The following ABCB5 variants were observed in gnomAD, a reference collection of about 807,000 sequenced individuals.
The protein encoded by ABCB5 is ATP-binding cassette sub-family B member 5.
A neutral mutation model predicts 144.2 loss-of-function variants in ABCB5; 155 were observed. The observed-to-expected ratio is 1.08, with a 90% confidence interval of 0.94 to 1.23. The LOEUF is 1.23. Ranked by LOEUF, ABCB5 falls within the 50% of genes most tolerant of loss-of-function variation. ABCB5 has a pLI of 0.00. For synonymous variants in ABCB5, 610 were observed against 528.6 expected, an observed-to-expected ratio of 1.15 and a Z score of -2.11; for missense variants, 1,830 against 1,520.8, an observed-to-expected ratio of 1.20 and a Z score of -3.38.
intron 20 of ABCB5, among the ~76,000 whole-genome samples, chr7:20,710,148 GT>G (rs1240249680): frequency 6.7e-6 from 1 of 148,464 alleles, no homozygotes; most frequent in Non-Finnish European, 1.5e-5. Context: ...ACCGAGGCGG[GT>G]GGATCACCTG....
intron 19 of ABCB5, among the ~76,000 whole-genome samples, chr7:20,700,879 G>A (rs1391330564): frequency 6.6e-6 from 1 of 152,154 alleles, no homozygotes; most frequent in Non-Finnish European, 1.5e-5. Flanking sequence ...TTCCTGCCAA[G>A]GTGATTTCTT....
chr7:20,618,764 CTT>C (rs59970398), intron 1 of ABCB5, among the ~76,000 whole-genome samples: 27 of 51,566 alleles, frequency 5.2e-4, no homozygotes, highest in African/African-American at 1.9e-3. Flanking sequence ...GCTGCATTTT[CTT>C]TTTTTTTTTT....
chr7:20,668,526 C>T (rs1785306401), intron 14 of ABCB5, among the ~76,000 whole-genome samples: 1 of 151,952 alleles, frequency 6.6e-6, no homozygotes, highest in African/African-American at 2.4e-5. Context: ...CTCCGTCCGG[C>T]AGCCACCCCG....
At position 20,648,014 on chromosome 7, in the gene ABCB5, C is replaced by T; in HGVS notation, c.1142C>T (p.Ser381Phe). The change falls in exon 11 of 28, where the codon TCC becomes TTC. Residue 381 changes from serine to phenylalanine, a missense_variant. Coordinates refer to ENST00000404938, the MANE Select transcript of ABCB5 (RefSeq NM_001163941.2). ...TCCACAGCTGGATATAAACCTGAAT[C>T]CATAGAAGGAACTGTGGAATTTAAA... ...NFSTAGYKPE[S>F]IEGTVEFKNV... The T allele has an allele frequency of 6.2e-7, 1 of 1,612,018 alleles. No homozygotes were observed. The highest frequency in any genetic ancestry group is 8.5e-7 in the Non-Finnish European group (1 of 1,178,470).
Position 20,615,696 on chromosome 7 carries a change from G to C in ABCB5, c.-163G>C, listed in dbSNP as rs1783668736. 2.0e-5 allele frequency: 3 copies of C among 151,970 alleles called. No homozygotes were observed. Among genetic ancestry groups the C allele is most frequent in the Admixed American group, 6.6e-5 (1 of 15,236 alleles). 9.4% of individuals were successfully genotyped at this position (151,970 alleles called of 1,614,324 possible). A position where few individuals can be genotyped will look rare whatever the true frequency, so the allele number is the denominator to read the frequency against. ...CTTCCAAAATCCACAAGCCAGACTA[G>C]AAGGCTGGAAATTCTGGCAAAAAAT... On this transcript the variant is annotated 5_prime_UTR_variant, in exon 1 of 28. Coordinates refer to ENST00000404938, the MANE Select transcript of ABCB5 (RefSeq NM_001163941.2).
rs1490483889 is a variant in ABCB5 at position 20,658,617 on chromosome 7, G to A, written c.1648G>A (p.Glu550Lys). 1 of 1,614,060 alleles carries A rather than the reference G, an allele frequency of 6.2e-7. No homozygotes were observed. Among genetic ancestry groups the A allele is most frequent in the African/African-American group, 1.3e-5 (1 of 74,916 alleles). ...VRNPKILILD[E>K]ATSALDSESK... ...AAACCCCAAGATTCTGATTTTAGAT[G>A]AGGCTACGTCTGCCCTGGATTCAGA... is the stretch of plus-strand genomic sequence containing the variant. The change falls in exon 14 of 28, where the codon GAG (glutamate) becomes AAG (lysine). Residue 550 changes from glutamate (E) to lysine (K), a missense_variant. By Grantham distance (56) the Glu-to-Lys change is moderately conservative. Coordinates refer to ENST00000404938, the MANE Select transcript of ABCB5 (RefSeq NM_001163941.2).
chr7:20,668,607 C>A (rs1423543842), intron 14 of ABCB5, among the ~76,000 whole-genome samples: 4 of 147,482 alleles, frequency 2.7e-5, no homozygotes, highest in African/African-American at 5.0e-5. Flanking sequence ...GGGGGTCAGC[C>A]CCCCGCCCGG....
Position 20,650,028 on chromosome 7 carries a change from A to G in ABCB5, c.1213A>G (p.Lys405Glu), listed in dbSNP as rs750024316. 4.3e-6 allele frequency: 7 copies of G among 1,611,776 alleles called. No individual in the cohort carries two copies. Among genetic ancestry groups the G allele is most frequent in the Non-Finnish European group, 5.1e-6 (6 of 1,178,732 alleles). ...YPSRPSIKILKGLNLRIKSGE... is the reference protein window; with the variant it reads ...YPSRPSIKILEGLNLRIKSGE... The stretch of plus-strand genomic sequence containing the variant: ...CCTCCATACATTCCAATAGATTCTG[A>G]AAGGTCTGAATCTCAGAATTAAGTC... The change falls in exon 12 of 28, where the codon AAA (lysine) becomes GAA (glutamate). Residue 405 changes from lysine to glutamate, a missense_variant. Lys to Glu is a moderately conservative substitution (Grantham distance 56, BLOSUM62 1). Coordinates refer to ENST00000404938, the MANE Select transcript of ABCB5 (RefSeq NM_001163941.2).
chr7:20,711,815 T>TC lies in ABCB5; in HGVS notation c.2421+7009dup, dbSNP rs1466189293. 7.7e-4 allele frequency among the ~76,000 whole-genome samples: 39 copies of TC among 50,612 alleles called. 5 individuals are homozygous for TC. Among genetic ancestry groups the TC allele is most frequent in the Non-Finnish European group, 1.1e-3 (37 of 32,584 alleles). The allele number at this position is 50,612 out of a possible 152,430, so 33.2% of individuals were successfully genotyped here. A position where few individuals can be genotyped will look rare whatever the true frequency, so the allele number is the denominator to read the frequency against. On this transcript the variant is annotated intron_variant, in intron 20 of 27. Coordinates refer to ENST00000404938, the MANE Select transcript of ABCB5 (RefSeq NM_001163941.2). ...TTCTTTCTTTCTTTCTTTCTTTCTTTCTTTCTTTCTTTCTTTCTTTCTTTC... is the reference window on the plus strand; with the variant it reads ...TTCTTTCTTTCTTTCTTTCTTTCTTTCCTTTCTTTCTTTCTTTCTTTCTTTC...
chr7:20,628,612 G>A (rs1324398016), intron 3 of ABCB5, 76 bp from the exon 4 acceptor site: 1 of 1,260,702 alleles, frequency 7.9e-7, no homozygotes, highest in Non-Finnish European at 1.1e-6. Context: ...GCTGTAGGCT[G>A]TTGTGTGTGT....
At chr7:20,628,661 G>T in intron 3 of ABCB5, 27 bp from the exon 4 acceptor site, 1 of 1,601,874 alleles carries the variant, frequency 6.2e-7, no homozygotes, top group Non-Finnish European at 8.5e-7. Flanking sequence ...TTACAGTTGT[G>T]GTGCTACCGT....
intron 21 of ABCB5, among the ~76,000 whole-genome samples, chr7:20,723,700 A>G (rs942827541): frequency 6.6e-6 from 1 of 152,256 alleles, no homozygotes. Context: ...TTCAAACATC[A>G]TCATTCCCCA....
chr7:20,732,655 T>G (rs140912972), intron 23 of ABCB5, among the ~76,000 whole-genome samples: 110 of 152,346 alleles, frequency 7.2e-4, no homozygotes, highest in African/African-American at 2.6e-3. Flanking sequence ...TCACAAATTT[T>G]TCTAATTTTC....
chr7:20,724,731 C>A (rs1781983662), intron 21 of ABCB5, among the ~76,000 whole-genome samples: 1 of 151,560 alleles, frequency 6.6e-6, no homozygotes, highest in Non-Finnish European at 1.5e-5. Context: ...ATGTTAATAT[C>A]CTTTATAGTC....
chr7:20,737,254 T>C (rs982053364), intron 23 of ABCB5, among the ~76,000 whole-genome samples: 3 of 152,084 alleles, frequency 2.0e-5, no homozygotes, highest in Admixed American at 6.6e-5. Flanking sequence ...GTCTTCAACA[T>C]AACCCTCATC....
chr7:20,634,051 C>G (rs1016625515), intron 5 of ABCB5, among the ~76,000 whole-genome samples: 4 of 151,964 alleles, frequency 2.6e-5, no homozygotes, highest in Admixed American at 6.6e-5. Context: ...TCTCCAATGT[C>G]TATTATTCCA....
At chr7:20,684,273 T>C (rs909389691) in intron 15 of ABCB5, among the ~76,000 whole-genome samples, 1 of 152,228 alleles carries the variant, frequency 6.6e-6, no homozygotes, top group African/African-American at 2.4e-5. Context: ...GAAAATGAAA[T>C]ATAAACATGT....
intron 12 of ABCB5, among the ~76,000 whole-genome samples, chr7:20,651,199 C>A (rs1296219715): frequency 6.6e-6 from 1 of 152,126 alleles, no homozygotes; most frequent in Non-Finnish European, 1.5e-5. Flanking sequence ...GATGATCTGG[C>A]AAGGTTTTAG....
At position 20,658,572 on chromosome 7, in the gene ABCB5, A is replaced by G. The variant is rs1203037434; in HGVS notation, c.1603A>G (p.Ile535Val). ...MSGGQKQRIA[I>V]ARALVRNPKI... Reference sequence around the variant, plus strand: ...TGGAGGGCAGAAACAGAGGATCGCAATTGCTCGTGCCTTAGTTCGAAACCC... The same window carrying G: ...TGGAGGGCAGAAACAGAGGATCGCAGTTGCTCGTGCCTTAGTTCGAAACCC... Residue 535 changes from isoleucine to valine, a missense_variant, in exon 14 of 28, where the codon ATT (isoleucine) becomes GTT (valine). By Grantham distance (29) the Ile-to-Val change is conservative. Coordinates refer to ENST00000404938, the MANE Select transcript of ABCB5 (RefSeq NM_001163941.2). The G allele has an allele frequency of 1.2e-6, 2 of 1,614,180 alleles. No homozygotes were observed. Among genetic ancestry groups the G allele is most frequent in the East Asian group, 2.2e-5 (1 of 44,874 alleles).
Sources: gnomAD v4.1 joint callset for allele counts (sites outside exome capture counted in the v4.1 genomes callset) on GRCh38, gnomAD v4.1.1 for gene constraint, MANE v1.5 for transcripts, NCBI Gene and HGNC (gene_info 2026-07-23, HGNC 2026-07-21) for gene names.